The following PCDH15 variants were observed in gnomAD, a reference collection of about 807,000 sequenced individuals.
The protein encoded by PCDH15 is protocadherin related 15.
In PCDH15, 129 loss-of-function variants were observed where a neutral mutation model predicts 178.5. The ratio of observed to expected loss-of-function variants is 0.72; its 90% CI spans 0.63 to 0.84. The LOEUF is 0.84. PCDH15 is among the 40% of genes least tolerant of loss of function. The pLI, the probability that PCDH15 is intolerant of heterozygous loss-of-function variation, is 0.00. For missense variants in PCDH15, 2,230 were observed against 2,099.9 expected (o/e 1.06, Z -1.21); for synonymous variants, 800 against 732.0 (o/e 1.09, Z -1.50).
At position 54,084,727 on chromosome 10, in the gene PCDH15, C is replaced by G. The variant is rs1364685144; in HGVS notation, c.1997+5257G>C. On this transcript the variant is annotated intron_variant, in intron 16 of 37. Transcript: ENST00000644397. ...TTCAAAATTCCGTTATTAGGAAATA[C>G]CGATGCAGCATCATTATAAACTATT... 2.0e-5 allele frequency among the ~76,000 whole-genome samples: 3 copies of G among 152,126 alleles called. No homozygotes were observed. In the East Asian group the frequency reaches 5.8e-4, roughly 29 times the overall value.
chr10:53,882,041 G>A (rs1185984525), intron 26 of PCDH15, among the ~76,000 whole-genome samples: 17 of 146,136 alleles, frequency 1.2e-4, no homozygotes, highest in Admixed American at 3.5e-4. Flanking sequence ...CCAGGCTAGA[G>A]TGCAATGGCA....
At chr10:54,600,815 AC>A (rs929769953) in intron 2 of PCDH15, 12 of 374,878 alleles carry the variant, frequency 3.2e-5, no homozygotes, top group Non-Finnish European at 1.0e-5. Flanking sequence ...ATATGAGGAG[AC>A]TGCATGCAAG....
chr10:54,898,459 G>A (rs1489174281), intron 2 of PCDH15, among the ~76,000 whole-genome samples: 2 of 152,050 alleles, frequency 1.3e-5, no homozygotes, highest in African/African-American at 4.8e-5. Flanking sequence ...TTTAAGAGAA[G>A]ATAATTAAGG....
intron 2 of PCDH15, among the ~76,000 whole-genome samples, chr10:54,536,470 T>C (rs2084535185): frequency 6.6e-6 from 1 of 151,624 alleles, no homozygotes; most frequent in Non-Finnish European, 1.5e-5. Flanking sequence ...AAATAAGGAA[T>C]GGGGCATATG....
intron 2 of PCDH15, among the ~76,000 whole-genome samples, chr10:55,486,073 T>A (rs1429749049): frequency 6.6e-6 from 1 of 151,744 alleles, no homozygotes; most frequent in Admixed American, 6.6e-5. Flanking sequence ...CCTGGAAACT[T>A]GTGCCTAATG....
At chr10:55,458,510 C>T (rs956689075) in intron 2 of PCDH15, among the ~76,000 whole-genome samples, 1 of 152,012 alleles carries the variant, frequency 6.6e-6, no homozygotes, top group Non-Finnish European at 1.5e-5. Context: ...AAATTTAGGG[C>T]ATGACATTGC....
chr10:53,803,177 C>T lies in PCDH15; in HGVS notation c.*3402G>A, dbSNP rs1277931448. On this transcript the variant is annotated 3_prime_UTR_variant, in exon 38 of 38. Transcript: ENST00000644397. ...CATTATTTTGAACCTATCCTTCAGC[C>T]TTATCGCTGTGTAATTTGCAGGCAC... The T allele has an allele frequency of 6.6e-6, 1 of 151,840 alleles. No individual in the cohort carries two copies. The highest frequency in any genetic ancestry group is 1.5e-5 in the Non-Finnish European group (1 of 67,836). 9.4% of individuals were successfully genotyped at this position (151,840 alleles called of 1,614,324 possible).
At chr10:55,180,948 A>C (rs1010725766) in intron 1 of PCDH15, among the ~76,000 whole-genome samples, 4 of 152,070 alleles carry the variant, frequency 2.6e-5, no homozygotes, top group Admixed American at 6.6e-5. Context: ...GAGAAAAAAA[A>C]CATATTTTTT....
intron 3 of PCDH15, among the ~76,000 whole-genome samples, chr10:54,514,318 T>G (rs1435301059): frequency 6.6e-6 from 1 of 152,128 alleles, no homozygotes; most frequent in South Asian, 2.1e-4. Context: ...CACAGCTTCC[T>G]ATCAGTGTTT....
At position 55,211,379 on chromosome 10, in the gene PCDH15, G is replaced by A. The variant is rs1284186303; in HGVS notation, c.-155-44728C>T. Among the ~76,000 whole-genome samples, 8 of 152,198 alleles carry A rather than the reference G, an allele frequency of 5.3e-5. No individual in the cohort carries two copies. In the East Asian group the frequency reaches 1.5e-3, roughly 29 times the overall value. ...TAAAACATAATGCTTTTTCTAATAA[G>A]AGCTTAAATTCTGTTGAAATGTAAT... On this transcript the variant is annotated intron_variant, in intron 1 of 5. Transcript: ENST00000458638.
intron 25 of PCDH15, among the ~76,000 whole-genome samples, chr10:53,906,001 T>C (rs2082656519): frequency 6.6e-6 from 1 of 152,120 alleles, no homozygotes; most frequent in Admixed American, 6.6e-5. Flanking sequence ...TTTATTTATT[T>C]TAAAAAGCCA....
At chr10:54,656,336 A>C (rs1590871227) in intron 2 of PCDH15, among the ~76,000 whole-genome samples, 1 of 152,042 alleles carries the variant, frequency 6.6e-6, no homozygotes, top group Non-Finnish European at 1.5e-5. Flanking sequence ...AGACCCCAAA[A>C]AAGTATAGGT....
chr10:53,970,538 C>A (rs2089566821), intron 21 of PCDH15, among the ~76,000 whole-genome samples: 1 of 151,872 alleles, frequency 6.6e-6, no homozygotes, highest in Middle Eastern at 3.4e-3. Context: ...TGATAGACTG[C>A]TAGCAAGGCT....
chr10:54,923,601 T>C (rs1176957340), intron 2 of PCDH15, among the ~76,000 whole-genome samples: 1 of 138,070 alleles, frequency 7.2e-6, no homozygotes, highest in African/African-American at 2.5e-5. Flanking sequence ...ACTTTGCTGC[T>C]TAGAAATTTC....
At chr10:55,262,462 A>G (rs1210042308) in intron 1 of PCDH15, among the ~76,000 whole-genome samples, 1 of 152,192 alleles carries the variant, frequency 6.6e-6, no homozygotes, top group Non-Finnish European at 1.5e-5. Flanking sequence ...AGAGACACAC[A>G]GGCGGCTGGA....
chr10:54,171,216 C>G (rs1256973749), intron 13 of PCDH15, among the ~76,000 whole-genome samples: 1 of 152,042 alleles, frequency 6.6e-6, no homozygotes, highest in Non-Finnish European at 1.5e-5. Flanking sequence ...TCTTAATATT[C>G]AGTGAAACCT....
chr10:55,334,242 A>ATATATATATATATATATATATG (rs1291195941), intron 2 of PCDH15, among the ~76,000 whole-genome samples: 23 of 72,142 alleles, frequency 3.2e-4, no homozygotes, highest in African/African-American at 1.2e-3. Context: ...ATATATATAT[A>ATATATATATATATATATATATG]TGTGTGTGTG....
chr10:54,059,368 T>C (rs2093967196), intron 18 of PCDH15, among the ~76,000 whole-genome samples: 1 of 152,192 alleles, frequency 6.6e-6, no homozygotes, highest in African/African-American at 2.4e-5. Context: ...ACAATAATAA[T>C]TATGCATAAC....
At chr10:55,386,073 C>T (rs1269667277) in intron 2 of PCDH15, among the ~76,000 whole-genome samples, 1 of 151,398 alleles carries the variant, frequency 6.6e-6, no homozygotes, top group Non-Finnish European at 1.5e-5. Flanking sequence ...CACCATAAGT[C>T]AAATAAAATA....
Sources: allele counts gnomAD v4.1 joint callset (sites outside exome capture counted in the v4.1 genomes callset), GRCh38; gene constraint gnomAD v4.1.1; transcripts MANE v1.5; gene names NCBI Gene and HGNC (gene_info 2026-07-23, HGNC 2026-07-21).